Variants in RPS6KA3 observed in about 807,000 individuals in gnomAD.
The protein encoded by RPS6KA3 is ribosomal protein S6 kinase A3.
A neutral mutation model predicts 67.2 loss-of-function variants in RPS6KA3; 4 were observed. The observed-to-expected ratio is 0.06, with a 90% CI of 0.03 to 0.14. The LOEUF is 0.14. RPS6KA3 is among the 10% of genes least tolerant of loss of function. RPS6KA3 has a pLI of 1.00. For synonymous variants in RPS6KA3, 182 were observed against 183.7 expected, an observed-to-expected ratio of 0.99 and a Z score of 0.07; for missense variants, 204 against 559.0, an observed-to-expected ratio of 0.36 and a Z score of 6.40.
At chrX:20,222,220 C>G (rs1408870549) in intron 2 of RPS6KA3, among the ~76,000 whole-genome samples, 3 of 111,805 alleles carry the variant, frequency 2.7e-5, no homozygotes, top group Non-Finnish European at 5.6e-5. Flanking sequence ...TTAATGAATT[C>G]AAGACACAAA....
chrX:20,197,610 T>C (rs1390125587), intron 4 of RPS6KA3, among the ~76,000 whole-genome samples: 1 of 112,087 alleles, frequency 8.9e-6, no homozygotes, highest in African/African-American at 3.2e-5. Context: ...ATATGTAACA[T>C]TGATGAGACC....
chrX:20,204,477 C>T (rs1048559116), intron 3 of RPS6KA3, among the ~76,000 whole-genome samples: 9 of 112,211 alleles, frequency 8.0e-5, no homozygotes, highest in Admixed American at 5.7e-4. Flanking sequence ...CTACTGAGCC[C>T]GTCAAAATTG....
At chrX:20,246,703 GAACT>G (rs747631607) in intron 1 of RPS6KA3, among the ~76,000 whole-genome samples, 1 of 111,675 alleles carries the variant, frequency 9.0e-6, no homozygotes, top group African/African-American at 3.3e-5. Context: ...AATGTCTACT[GAACT>G]AATAAACATT....
At chrX:20,156,893 C>G (rs2067199622) in intron 20 of RPS6KA3, among the ~76,000 whole-genome samples, 1 of 17,150 alleles carries the variant, frequency 5.8e-5, no homozygotes, top group African/African-American at 3.3e-4. Flanking sequence ...GCTGGTAATA[C>G]TGAAAAAAAA....
At chrX:20,209,460 G>A (rs1053458167) in intron 2 of RPS6KA3, 56 bp from the exon 3 acceptor site, 49 of 611,277 alleles carry the variant, frequency 8.0e-5, no homozygotes, top group Middle Eastern at 3.5e-4. Flanking sequence ...ATTTTCTCCC[G>A]CTAAAAATCA....
At chrX:20,195,738 C>CT (rs916136538) in intron 4 of RPS6KA3, among the ~76,000 whole-genome samples, 3 of 111,426 alleles carry the variant, frequency 2.7e-5, no homozygotes, top group East Asian at 2.8e-4. Flanking sequence ...TCTGTGTAAT[C>CT]TTTTTTTTGA....
chrX:20,205,645 C>A (rs1295795656), intron 3 of RPS6KA3, among the ~76,000 whole-genome samples: 1 of 111,745 alleles, frequency 8.9e-6, no homozygotes, highest in Admixed American at 9.5e-5. Flanking sequence ...AGAAAAGCAT[C>A]CTTAATCAGG....
At chrX:20,248,906 C>G (rs746364922) in intron 1 of RPS6KA3, among the ~76,000 whole-genome samples, 2 of 111,652 alleles carry the variant, frequency 1.8e-5, no homozygotes, top group East Asian at 2.8e-4. Context: ...GTGTGGGTCT[C>G]TATATCCACC....
chrX:20,221,356 C>T (rs1322530683), intron 2 of RPS6KA3, among the ~76,000 whole-genome samples: 1 of 111,546 alleles, frequency 9.0e-6, no homozygotes, highest in Non-Finnish European at 1.9e-5. Context: ...TTGATTTAAT[C>T]ATTTACCTTA....
intron 10 of RPS6KA3, among the ~76,000 whole-genome samples, chrX:20,184,477 C>G (rs1168984730): frequency 9.6e-6 from 1 of 104,543 alleles, no homozygotes; most frequent in Non-Finnish European, 1.9e-5. Context: ...GTGATCAGGG[C>G]TCACTGCAGT....
In RPS6KA3 at chrX:20,176,306, C is replaced by T; in HGVS notation, c.1046G>A (p.Gly349Asp). 8.3e-7 allele frequency: 1 copy of T among 1,203,631 alleles called. No homozygotes were observed. Among genetic ancestry groups the T allele is most frequent in the Non-Finnish European group, 1.1e-6 (1 of 888,684 alleles). Residue 349 changes from glycine (G) to aspartate (D), a missense_variant, in exon 13 of 22, where the codon GGC becomes GAC. Coordinates refer to ENST00000379565, the MANE Select transcript of RPS6KA3 (RefSeq NM_004586.3). ...AAAATAGAATGTATCTTCAGGCCTG[C>T]CCGTTGCAGGTTTAAATGGCGGATG... ...EIHPPFKPAT[G>D]RPEDTFYFDP...
chrX:20,163,462 C>T (rs2067354837), intron 18 of RPS6KA3, among the ~76,000 whole-genome samples: 1 of 94,309 alleles, frequency 1.1e-5, no homozygotes. Flanking sequence ...ACAAAAAACC[C>T]CTGATTTCCC....
chrX:20,188,006 T>C, intron 8 of RPS6KA3, 36 bp from the exon 9 acceptor site: 1 of 1,155,899 alleles, frequency 8.7e-7, no homozygotes, highest in East Asian at 3.0e-5. Flanking sequence ...CCTACATAAA[T>C]TTGCACATGT....
chrX:20,176,660 C>G (rs2067708059), intron 11 of RPS6KA3, among the ~76,000 whole-genome samples, 162 bp from the exon 12 acceptor site: 1 of 110,874 alleles, frequency 9.0e-6, no homozygotes, highest in African/African-American at 3.3e-5. Flanking sequence ...GGTGTGATCT[C>G]AGTTCACTGC....
At chrX:20,257,876 G>A (rs745741347) in intron 1 of RPS6KA3, among the ~76,000 whole-genome samples, 1 of 111,818 alleles carries the variant, frequency 8.9e-6, no homozygotes, top group African/African-American at 3.2e-5. Flanking sequence ...TCACTTGAAT[G>A]AGATGTCACA....
chrX:20,191,185 G>A lies in RPS6KA3; in HGVS notation c.593+2302C>T, dbSNP rs1022551432. On this transcript the variant is annotated intron_variant, in intron 7 of 21. Transcript: ENST00000379565. Reference sequence around the variant, plus strand: ...GGTTTCCAGCTTCATCCATGTCCCTGCAAAGGACATGAACTCAGCATTTTT... The same window carrying A: ...GGTTTCCAGCTTCATCCATGTCCCTACAAAGGACATGAACTCAGCATTTTT... Among the ~76,000 whole-genome samples, 7 of 111,254 alleles carry A rather than the reference G, an allele frequency of 6.3e-5. No homozygotes were observed. The Admixed American group carries it at 6.7e-4, about 11-fold the overall frequency.
intron 2 of RPS6KA3, among the ~76,000 whole-genome samples, chrX:20,232,219 G>C (rs2069284383): frequency 8.9e-6 from 1 of 111,967 alleles, no homozygotes; most frequent in Non-Finnish European, 1.9e-5. Context: ...TGTAACCTTA[G>C]TGTAGGGAAG....
intron 1 of RPS6KA3, among the ~76,000 whole-genome samples, chrX:20,250,481 T>G (rs2069834707): frequency 8.9e-6 from 1 of 112,037 alleles, no homozygotes; most frequent in Admixed American, 9.4e-5. Flanking sequence ...ACCATTAAGT[T>G]TTATGTTAGC....
At chrX:20,228,348 A>G (rs2069174289) in intron 2 of RPS6KA3, among the ~76,000 whole-genome samples, 1 of 111,842 alleles carries the variant, frequency 8.9e-6, no homozygotes, top group Non-Finnish European at 1.9e-5. Flanking sequence ...CTTTTACACT[A>G]AAGGTCTCCC....
Sources: gnomAD v4.1 joint callset for allele counts (sites outside exome capture counted in the v4.1 genomes callset) on GRCh38, gnomAD v4.1.1 for gene constraint, MANE v1.5 for transcripts, NCBI Gene and HGNC (gene_info 2026-07-23, HGNC 2026-07-21) for gene names.